PDGFD: variants seen among roughly 807,000 people sequenced by gnomAD.
PDGFD encodes the protein platelet-derived growth factor D.
In PDGFD, 30 loss-of-function variants were observed where a neutral mutation model predicts 44.7. The observed-to-expected ratio is 0.67, with a 90% CI of 0.50 to 0.91. The LOEUF is 0.91. PDGFD is among the 40% of genes least tolerant of loss of function. The pLI, the probability that PDGFD is intolerant of heterozygous loss-of-function variation, is 0.00. For missense variants in PDGFD, 445 were observed against 457.8 expected, an observed-to-expected ratio of 0.97 and a Z score of 0.25; for synonymous variants, 173 against 168.4, an observed-to-expected ratio of 1.03 and a Z score of -0.21.
At chr11:103,982,794 C>T (rs1859292067) in intron 3 of PDGFD, among the ~76,000 whole-genome samples, 1 of 151,728 alleles carries the variant, frequency 6.6e-6, no homozygotes, top group South Asian at 2.1e-4. Flanking sequence ...AGAGCCAAAT[C>T]AGGAACAAAT....
At chr11:104,115,052 C>G (rs906074541) in intron 1 of PDGFD, among the ~76,000 whole-genome samples, 2 of 151,644 alleles carry the variant, frequency 1.3e-5, no homozygotes, top group Non-Finnish European at 2.9e-5. Flanking sequence ...ACCCCCTCCC[C>G]ACCCTCTTCC....
At chr11:103,999,765 T>C (rs1859591162) in intron 2 of PDGFD, among the ~76,000 whole-genome samples, 1 of 152,158 alleles carries the variant, frequency 6.6e-6, no homozygotes, top group Non-Finnish European at 1.5e-5. Context: ...TGCTGCTCTG[T>C]GCCTGGAAAA....
At chr11:103,958,052 A>T (rs879867259) in intron 3 of PDGFD, among the ~76,000 whole-genome samples, 1 of 145,770 alleles carries the variant, frequency 6.9e-6, no homozygotes, top group Non-Finnish European at 1.5e-5. Context: ...GTTTAGCATT[A>T]AAAAAAAAAA....
chr11:104,050,011 C>T (rs1180420889), intron 1 of PDGFD, among the ~76,000 whole-genome samples: 1 of 152,062 alleles, frequency 6.6e-6, no homozygotes, highest in Non-Finnish European at 1.5e-5. Context: ...TGAGAGAACA[C>T]CTTTTACTAT....
intron 1 of PDGFD, among the ~76,000 whole-genome samples, chr11:104,067,627 T>C (rs560250010): frequency 3.1e-4 from 47 of 152,264 alleles, no homozygotes; most frequent in Admixed American, 1.2e-3. Flanking sequence ...GCCAAGTGCA[T>C]CATTTCCCTT....
At chr11:104,050,560 T>C (rs1860518207) in intron 1 of PDGFD, among the ~76,000 whole-genome samples, 1 of 152,144 alleles carries the variant, frequency 6.6e-6, no homozygotes, top group African/African-American at 2.4e-5. Flanking sequence ...CATACACCCT[T>C]GGGCAAGGCA....
At chr11:103,939,773 A>G (rs1238247821) in intron 5 of PDGFD, among the ~76,000 whole-genome samples, 1 of 152,120 alleles carries the variant, frequency 6.6e-6, no homozygotes, top group Non-Finnish European at 1.5e-5. Context: ...TGATTTTTAA[A>G]AAATTAACTT....
At chr11:104,004,489 T>C (rs1042434940) in intron 1 of PDGFD, among the ~76,000 whole-genome samples, 19 of 152,204 alleles carry the variant, frequency 1.2e-4, no homozygotes, top group Admixed American at 1.2e-3. Context: ...TTTTATATAA[T>C]GGGTTTTGGT....
intron 1 of PDGFD, among the ~76,000 whole-genome samples, chr11:104,140,290 A>G (rs906372888): frequency 2.0e-5 from 3 of 152,176 alleles, no homozygotes; most frequent in Admixed American, 2.0e-4. Context: ...ATGTTGCTTT[A>G]ATAAGGTCCT....
chr11:104,038,164 A>C, intron 1 of PDGFD: 1 of 756,620 alleles, frequency 1.3e-6, no homozygotes, highest in Non-Finnish European at 2.1e-6. Context: ...AACTAACGTC[A>C]ATCCTGATTC....
chr11:104,091,913 A>T lies in PDGFD; in HGVS notation c.124+71891T>A, dbSNP rs1054059439. ...AATAGAAACAAATCTGGCTGGCAAT[A>T]AAGGAGAAGCTGACATTATATAAAC... On this transcript the variant is annotated intron_variant, in intron 1 of 6. Transcript: ENST00000393158. Among the ~76,000 whole-genome samples, 30 of 152,156 alleles carry T rather than the reference A, an allele frequency of 2.0e-4. 1 individual carries two copies. The highest frequency in any genetic ancestry group is 1.2e-4 in the Non-Finnish European group (8 of 68,030).
intron 5 of PDGFD, among the ~76,000 whole-genome samples, chr11:103,932,831 G>A (rs867069766): frequency 6.6e-6 from 1 of 152,144 alleles, no homozygotes; most frequent in African/African-American, 2.4e-5. Context: ...TATCTTTCAG[G>A]AATGCATAGA....
chr11:104,015,639 T>C (rs138172105), intron 1 of PDGFD, among the ~76,000 whole-genome samples: 438 of 152,342 alleles, frequency 2.9e-3, no homozygotes, highest in African/African-American at 9.7e-3. Context: ...ACATTAGATC[T>C]AGTAACTATG....
At chr11:104,084,787 A>ATATAATATATATATTTTATAAGTAT (rs1861099991) in intron 1 of PDGFD, among the ~76,000 whole-genome samples, 1 of 133,108 alleles carries the variant, frequency 7.5e-6, no homozygotes, top group Non-Finnish European at 1.5e-5. Context: ...ACATAAAATA[A>ATATAATATATATATTTTATAAGTAT]TATAAAATAT....
intron 3 of PDGFD, among the ~76,000 whole-genome samples, chr11:103,958,810 A>T (rs1297539450): frequency 2.6e-5 from 4 of 152,192 alleles, no homozygotes; most frequent in Non-Finnish European, 5.9e-5. Context: ...TACATTATTA[A>T]AACCAGTAAT....
intron 3 of PDGFD, among the ~76,000 whole-genome samples, chr11:103,964,007 C>G (rs1044268612): frequency 6.6e-6 from 1 of 152,054 alleles, no homozygotes; most frequent in Non-Finnish European, 1.5e-5. Context: ...GGTACTGTGT[C>G]GCCCATCTCT....
chr11:104,109,349 T>C (rs1394494433), intron 1 of PDGFD, among the ~76,000 whole-genome samples: 1 of 152,130 alleles, frequency 6.6e-6, no homozygotes, highest in African/African-American at 2.4e-5. Context: ...AGTCTCTTCA[T>C]CCATAAGTTA....
At chr11:104,163,379 A>T (rs1449784926) in intron 1 of PDGFD, among the ~76,000 whole-genome samples, 3 of 152,102 alleles carry the variant, frequency 2.0e-5, no homozygotes, top group Non-Finnish European at 4.4e-5. Context: ...AATAAATAAA[A>T]TTTAAATAAA....
At chr11:104,096,752 A>G (rs868394042) in intron 1 of PDGFD, among the ~76,000 whole-genome samples, 11 of 152,304 alleles carry the variant, frequency 7.2e-5, no homozygotes, top group Middle Eastern at 3.4e-3. Flanking sequence ...CTAGGCACAC[A>G]ACTGTATAAA....
Sources: allele counts gnomAD v4.1 joint callset (sites outside exome capture counted in the v4.1 genomes callset), GRCh38; gene constraint gnomAD v4.1.1; transcripts MANE v1.5; gene names NCBI Gene and HGNC (gene_info 2026-07-23, HGNC 2026-07-21).